ATP6V0E1: variants seen among roughly 807,000 people sequenced by gnomAD.
ATP6V0E1 encodes ATPase H+ transporting V0 subunit e1, also known as V-type proton ATPase subunit e 1.
A neutral mutation model predicts 11.6 loss-of-function variants in ATP6V0E1; 4 were observed. That is an observed-to-expected ratio of 0.35 (90% CI 0.17 to 0.79). The LOEUF (loss-of-function observed/expected upper bound fraction) is 0.79, where lower values mean the gene tolerates loss of function less well. Ranked by LOEUF, ATP6V0E1 falls within the 30% of genes least tolerant of loss-of-function variation. The pLI is 0.54. For synonymous variants in ATP6V0E1, 36 were observed against 34.8 expected (o/e 1.04, Z -0.13); for missense variants, 105 against 100.0 (o/e 1.05, Z -0.21).
At chr5:173,031,368 G>A (rs1756649241) in intron 3 of ATP6V0E1, among the ~76,000 whole-genome samples, 2 of 150,554 alleles carry the variant, frequency 1.3e-5, no homozygotes, top group Admixed American at 1.3e-4. Flanking sequence ...ACAGGCATGA[G>A]CCACCGCATC....
intron 2 of ATP6V0E1, among the ~76,000 whole-genome samples, chr5:173,000,987 C>T (rs1015135677): frequency 1.2e-4 from 18 of 152,274 alleles, no homozygotes; most frequent in African/African-American, 4.3e-4. Context: ...AGGTGTGAGC[C>T]ACCGCCCCTG....
chr5:173,006,639 C>G (rs540449054), intron 2 of ATP6V0E1, among the ~76,000 whole-genome samples: 1 of 151,446 alleles, frequency 6.6e-6, no homozygotes, highest in East Asian at 1.9e-4. Flanking sequence ...CAAACAAACA[C>G]TCTACTCTGG....
chr5:173,014,346 C>G (rs1193832243), intron 2 of ATP6V0E1, among the ~76,000 whole-genome samples: 1 of 151,986 alleles, frequency 6.6e-6, no homozygotes, highest in East Asian at 1.9e-4. Flanking sequence ...CCATATGATC[C>G]AGCATTCCCG....
intron 1 of ATP6V0E1, among the ~76,000 whole-genome samples, chr5:172,985,022 G>A (rs1179559084): frequency 3.3e-5 from 5 of 152,132 alleles, no homozygotes; most frequent in Admixed American, 2.6e-4. Flanking sequence ...CAAGGCGGGC[G>A]GATCACGAGG....
At chr5:173,034,377 C>T in intron 3 of ATP6V0E1, 22 bp from the exon 4 acceptor site, 1 of 702,872 alleles carries the variant, frequency 1.4e-6, no homozygotes, top group Non-Finnish European at 2.6e-6. Flanking sequence ...GGACCAGTTA[C>T]CAGAATGGTT....
At chr5:172,988,213 G>GCATT (rs1482200488) in intron 1 of ATP6V0E1, among the ~76,000 whole-genome samples, 1 of 152,156 alleles carries the variant, frequency 6.6e-6, no homozygotes, top group African/African-American at 2.4e-5. Context: ...TGTCATTTAT[G>GCATT]CATTCATTCA....
chr5:172,991,883 C>G (rs1755982849), intron 1 of ATP6V0E1, among the ~76,000 whole-genome samples: 1 of 152,096 alleles, frequency 6.6e-6, no homozygotes, highest in African/African-American at 2.4e-5. Flanking sequence ...CTCTTTCATC[C>G]CAGCAGAGAG....
chr5:173,008,094 C>T (rs1240922438), intron 2 of ATP6V0E1, among the ~76,000 whole-genome samples: 2 of 152,190 alleles, frequency 1.3e-5, no homozygotes, highest in Non-Finnish European at 2.9e-5. Flanking sequence ...TGAAATGTCC[C>T]TCCAGCTTCC....
intron 3 of ATP6V0E1, among the ~76,000 whole-genome samples, chr5:173,024,263 G>T (rs943392402): frequency 1.3e-5 from 2 of 151,658 alleles, no homozygotes; most frequent in Non-Finnish European, 2.9e-5. Context: ...CAGAATACAG[G>T]TTTAATTCTT....
intron 1 of ATP6V0E1, among the ~76,000 whole-genome samples, chr5:172,986,034 G>T (rs1004130495): frequency 6.6e-6 from 1 of 152,172 alleles, no homozygotes; most frequent in African/African-American, 2.4e-5. Flanking sequence ...CATAGAAAAG[G>T]TACAGTAAAA....
intron 2 of ATP6V0E1, among the ~76,000 whole-genome samples, chr5:173,011,611 T>C (rs1561772713): frequency 6.6e-6 from 1 of 152,150 alleles, no homozygotes; most frequent in Non-Finnish European, 1.5e-5. Context: ...TAGGACTTAA[T>C]TTCCTCATCT....
chr5:172,996,468 A>G (rs57470986), intron 2 of ATP6V0E1, among the ~76,000 whole-genome samples: 28,121 of 151,952 alleles, frequency 0.19, 4,027 homozygotes, highest in East Asian at 0.73. Flanking sequence ...AGGCTGAGGC[A>G]GGAGAATCAC....
intron 3 of ATP6V0E1, among the ~76,000 whole-genome samples, chr5:173,031,592 G>A (rs930724252): frequency 8.6e-5 from 13 of 151,492 alleles, no homozygotes; most frequent in Non-Finnish European, 1.3e-4. Flanking sequence ...GCCAAGGCGC[G>A]CGGATCACGA....
chr5:172,987,079 C>T, intron 1 of ATP6V0E1: 1 of 192,976 alleles, frequency 5.2e-6, no homozygotes, highest in South Asian at 7.3e-5. Context: ...AGCCACCACG[C>T]CCGGCTGGAA....
intron 2 of ATP6V0E1, among the ~76,000 whole-genome samples, chr5:173,008,676 A>G (rs111846465): frequency 0.043 from 6,309 of 146,804 alleles, 341 homozygotes; most frequent in African/African-American, 0.13. Context: ...TTGGGAGGCC[A>G]AGGTGGGCGG....
At chr5:173,034,299 G>T (rs905869255) in intron 3 of ATP6V0E1, 100 bp from the exon 4 acceptor site, 3 of 688,210 alleles carry the variant, frequency 4.4e-6, no homozygotes, top group Non-Finnish European at 8.0e-6. Context: ...GAGCATCTGT[G>T]CATTTTAAAG....
intron 1 of ATP6V0E1, among the ~76,000 whole-genome samples, chr5:172,988,222 C>T (rs185242568): frequency 6.6e-6 from 1 of 152,316 alleles, no homozygotes; most frequent in Admixed American, 6.5e-5. Context: ...TGCATTCATT[C>T]ATTGACTGAA....
intron 2 of ATP6V0E1, among the ~76,000 whole-genome samples, chr5:173,017,610 A>G (rs1032208328): frequency 1.3e-5 from 2 of 151,930 alleles, no homozygotes; most frequent in Non-Finnish European, 2.9e-5. Flanking sequence ...TGGGAGGCCA[A>G]GGTGGGCGGA....
At chr5:172,999,289 C>T (rs906710359) in intron 2 of ATP6V0E1, among the ~76,000 whole-genome samples, 8 of 152,016 alleles carry the variant, frequency 5.3e-5, no homozygotes, top group African/African-American at 1.7e-4. Flanking sequence ...AAAACAAAAA[C>T]GTTTCCAGTC....
Sources: gnomAD v4.1 joint callset for allele counts (sites outside exome capture counted in the v4.1 genomes callset) on GRCh38, gnomAD v4.1.1 for gene constraint, MANE v1.5 for transcripts, NCBI Gene and HGNC (gene_info 2026-07-23, HGNC 2026-07-21) for gene names.